PRELID2: variants seen among roughly 807,000 people sequenced by gnomAD.
The protein encoded by PRELID2 is PRELI domain-containing protein 2.
In PRELID2, 25 loss-of-function variants were observed where a neutral mutation model predicts 28.4. That is an observed-to-expected ratio of 0.88 (90% CI 0.64 to 1.23). The LOEUF (loss-of-function observed/expected upper bound fraction) is 1.23, where lower values mean the gene tolerates loss of function less well. Ranked by LOEUF, PRELID2 falls within the 50% of genes most tolerant of loss-of-function variation. PRELID2 has a pLI of 0.00. For missense variants in PRELID2, 201 were observed against 214.4 expected, an observed-to-expected ratio of 0.94 and a Z score of 0.39; for synonymous variants, 76 against 71.6, an observed-to-expected ratio of 1.06 and a Z score of -0.31.
chr5:145,716,910 T>C (rs888538741), intron 1 of PRELID2, among the ~76,000 whole-genome samples: 1 of 152,186 alleles, frequency 6.6e-6, no homozygotes, highest in African/African-American at 2.4e-5. Context: ...CACTTGCACC[T>C]GCACACTATA....
the PRELID2 span, chr5:145,229,532 A>G: frequency 2.5e-5 from 37 of 1,467,294 alleles, 1 homozygote; most frequent in South Asian, 3.8e-4. Flanking sequence ...GACCAGCGTC[A>G]AGGATGGCAC....
intron 1 of PRELID2, among the ~76,000 whole-genome samples, chr5:145,682,766 G>C (rs544436251): frequency 6.6e-6 from 1 of 152,168 alleles, no homozygotes; most frequent in South Asian, 2.1e-4. Flanking sequence ...ATAAATTAAA[G>C]AGCCCAGCAG....
the PRELID2 span, among the ~76,000 whole-genome samples, chr5:145,462,573 T>C: frequency 6.6e-6 from 1 of 152,234 alleles, no homozygotes; most frequent in Non-Finnish European, 1.5e-5. Flanking sequence ...CCAGTTCTAC[T>C]CTCCATCTTT....
At chr5:145,349,237 TA>T in the PRELID2 span, among the ~76,000 whole-genome samples, 1 of 152,292 alleles carries the variant, frequency 6.6e-6, no homozygotes, top group Admixed American at 6.5e-5. Flanking sequence ...GTTTCTCAAC[TA>T]AACCCCCTTT....
At chr5:145,721,368 G>T (rs1264148293) in intron 1 of PRELID2, among the ~76,000 whole-genome samples, 2 of 152,138 alleles carry the variant, frequency 1.3e-5, no homozygotes, top group Non-Finnish European at 2.9e-5. Context: ...GGAGTCAAGG[G>T]TATGTCAGAA....
At chr5:145,732,196 C>T (rs1450143905) in intron 1 of PRELID2, among the ~76,000 whole-genome samples, 1 of 152,190 alleles carries the variant, frequency 6.6e-6, no homozygotes, top group Admixed American at 6.5e-5. Flanking sequence ...ACACATTTTG[C>T]AGTCCTTTAT....
the PRELID2 span, among the ~76,000 whole-genome samples, chr5:145,287,042 C>A: frequency 6.6e-6 from 1 of 152,056 alleles, no homozygotes; most frequent in Admixed American, 6.6e-5. Context: ...AAACTGTATT[C>A]TCCTGTAAAT....
At chr5:145,667,502 C>A (rs1365065811) in intron 1 of PRELID2, among the ~76,000 whole-genome samples, 1 of 152,060 alleles carries the variant, frequency 6.6e-6, no homozygotes, top group Non-Finnish European at 1.5e-5. Context: ...CACTGAGGCA[C>A]AAGGTAGTTA....
intron 5 of PRELID2, among the ~76,000 whole-genome samples, chr5:145,787,161 C>T (rs1057103464): frequency 6.6e-6 from 1 of 152,048 alleles, no homozygotes; most frequent in African/African-American, 2.4e-5. Flanking sequence ...CAAAACAAAA[C>T]AAAAAACACG....
chr5:145,751,853 G>A (rs1757132365), downstream of PRELID2, among the ~76,000 whole-genome samples: 1 of 152,088 alleles, frequency 6.6e-6, no homozygotes, highest in Non-Finnish European at 1.5e-5. Context: ...GTGGTGGCGG[G>A]TGCCTGTAAT....
At chr5:145,638,153 C>T (rs562829004) in intron 1 of PRELID2, among the ~76,000 whole-genome samples, 8 of 152,238 alleles carry the variant, frequency 5.3e-5, no homozygotes, top group Admixed American at 3.9e-4. Context: ...TTCCTCATTG[C>T]TAGTACTATT....
chr5:145,496,824 CTGCTTTTCA>C (rs1256765195), intron 1 of PRELID2, among the ~76,000 whole-genome samples: 1 of 152,038 alleles, frequency 6.6e-6, no homozygotes, highest in Non-Finnish European at 1.5e-5. Flanking sequence ...GTCTTGGTGT[CTGCTTTTCA>C]TGCTTTTCAG....
At chr5:145,274,887 T>A in the PRELID2 span, among the ~76,000 whole-genome samples, 2 of 152,092 alleles carry the variant, frequency 1.3e-5, no homozygotes, top group Non-Finnish European at 2.9e-5. Flanking sequence ...TTTCTCACAG[T>A]TCTGGAAGCT....
At chr5:145,659,650 T>G (rs1561535297) in intron 1 of PRELID2, among the ~76,000 whole-genome samples, 1 of 152,176 alleles carries the variant, frequency 6.6e-6, no homozygotes, top group East Asian at 1.9e-4. Flanking sequence ...TTGAATTGCT[T>G]CCGTCACTTG....
intron 1 of PRELID2, among the ~76,000 whole-genome samples, chr5:145,604,470 C>T (rs1482819529): frequency 6.6e-6 from 1 of 152,096 alleles, no homozygotes; most frequent in African/African-American, 2.4e-5. Context: ...TTTTCTTTAT[C>T]CAGTCTATCA....
the PRELID2 span, among the ~76,000 whole-genome samples, chr5:145,438,777 C>G: frequency 5.3e-5 from 8 of 152,142 alleles, no homozygotes; most frequent in Non-Finnish European, 1.0e-4. Context: ...TGAACTGCAG[C>G]TATTGACTTG....
intron 1 of PRELID2, among the ~76,000 whole-genome samples, chr5:145,690,730 T>C (rs1755132095): frequency 6.6e-6 from 1 of 152,234 alleles, no homozygotes; most frequent in Admixed American, 6.5e-5. Flanking sequence ...TCACTCACTA[T>C]GAAAAGATGC....
At chr5:145,525,660 C>T (rs1752600199) in intron 1 of PRELID2, among the ~76,000 whole-genome samples, 1 of 152,102 alleles carries the variant, frequency 6.6e-6, no homozygotes, top group Non-Finnish European at 1.5e-5. Flanking sequence ...TCTCCTCAGG[C>T]AAAAATTAAG....
chr5:145,544,103 G>A (rs931744738), intron 1 of PRELID2, among the ~76,000 whole-genome samples: 1 of 152,058 alleles, frequency 6.6e-6, no homozygotes, highest in Non-Finnish European at 1.5e-5. Flanking sequence ...GAGGGTCGGT[G>A]AGTCAGAAAG....
Sources: gnomAD v4.1 joint callset for allele counts (sites outside exome capture counted in the v4.1 genomes callset) on GRCh38, gnomAD v4.1.1 for gene constraint, MANE v1.5 for transcripts, NCBI Gene and HGNC (gene_info 2026-07-23, HGNC 2026-07-21) for gene names.